ADARB2: variants seen among roughly 807,000 people sequenced by gnomAD.
ADARB2 encodes inactive double-stranded RNA-specific editase B2.
In ADARB2, 25 loss-of-function variants were observed where a neutral mutation model predicts 62.2. The observed-to-expected ratio is 0.40, with a 90% CI of 0.29 to 0.56. The LOEUF is 0.56. Among genes scored for constraint, ADARB2 ranks in the 20% least tolerant of loss-of-function variants. ADARB2 has a pLI of 0.43. For synonymous variants in ADARB2, 572 were observed against 500.8 expected, an observed-to-expected ratio of 1.14 and a Z score of -1.90; for missense variants, 1,071 against 1,077.4, an observed-to-expected ratio of 0.99 and a Z score of 0.08.
intron 1 of ADARB2, among the ~76,000 whole-genome samples, chr10:1,605,659 C>A (rs1461581461): frequency 1.3e-5 from 2 of 152,182 alleles, no homozygotes; most frequent in Non-Finnish European, 2.9e-5. Context: ...AAGTACCCAA[C>A]CTACAGCTAC....
intron 2 of ADARB2, among the ~76,000 whole-genome samples, chr10:1,364,704 G>A (rs11250465): frequency 0.13 from 20,037 of 152,092 alleles, 1,796 homozygotes; most frequent in Middle Eastern, 0.31. Flanking sequence ...GGCAGTATGC[G>A]TCATCCAGAG....
chr10:1,232,958 T>C (rs565991720), intron 6 of ADARB2, among the ~76,000 whole-genome samples: 13 of 152,122 alleles, frequency 8.5e-5, no homozygotes, highest in African/African-American at 3.1e-4. Flanking sequence ...TATACATATA[T>C]GTGTGTGACA....
chr10:1,231,551 G>A (rs77808661), intron 6 of ADARB2, among the ~76,000 whole-genome samples: 1 of 152,106 alleles, frequency 6.6e-6, no homozygotes, highest in Non-Finnish European at 1.5e-5. Flanking sequence ...TCTGGGGAGG[G>A]CTGTGTCCAC....
intron 3 of ADARB2, among the ~76,000 whole-genome samples, chr10:1,278,006 GT>G (rs1282045998): frequency 2.0e-5 from 3 of 151,302 alleles, no homozygotes; most frequent in Non-Finnish European, 4.4e-5. Context: ...GTCTAGTTCT[GT>G]CACCCAGGCT....
At chr10:1,556,853 C>A (rs954552019) in intron 1 of ADARB2, 1 of 533,100 alleles carries the variant, frequency 1.9e-6, no homozygotes, top group Non-Finnish European at 3.9e-6. Context: ...TCTGCACAAC[C>A]CCTCCTCATG....
At chr10:1,675,943 G>C in intron 1 of ADARB2, 1 of 945,224 alleles carries the variant, frequency 1.1e-6, no homozygotes, top group Non-Finnish European at 1.3e-6. Flanking sequence ...AATCTGCTCA[G>C]ACTTGGAGCC....
At chr10:1,209,358 CCGT>C (rs1837112562) in intron 7 of ADARB2, among the ~76,000 whole-genome samples, 1 of 147,982 alleles carries the variant, frequency 6.8e-6, no homozygotes, top group African/African-American at 2.6e-5. Context: ...CATGCCTACA[CCGT>C]CACCCATGCC....
chr10:1,396,736 C>T (rs1279805164), intron 1 of ADARB2, among the ~76,000 whole-genome samples: 19 of 103,664 alleles, frequency 1.8e-4, no homozygotes, highest in African/African-American at 5.6e-4. Context: ...TCACCGTCCT[C>T]CTCTCCCCTC....
At chr10:1,717,561 G>A (rs560189883) in intron 1 of ADARB2, among the ~76,000 whole-genome samples, 55 of 94,732 alleles carry the variant, frequency 5.8e-4, no homozygotes, top group Non-Finnish European at 1.1e-3. Flanking sequence ...TCCTTCCTTC[G>A]TTTTTCTTTC....
chr10:1,566,774 G>A (rs1832865962), intron 1 of ADARB2, among the ~76,000 whole-genome samples: 1 of 152,006 alleles, frequency 6.6e-6, no homozygotes, highest in African/African-American at 2.4e-5. Flanking sequence ...TACATATAAC[G>A]ATTTTAACTG....
At chr10:1,368,531 G>A (rs1832332931) in intron 2 of ADARB2, among the ~76,000 whole-genome samples, 1 of 152,144 alleles carries the variant, frequency 6.6e-6, no homozygotes, top group African/African-American at 2.4e-5. Context: ...AGGGCCTCAT[G>A]TCTGCGAGTC....
chr10:1,296,389 A>G (rs1831523354), intron 3 of ADARB2, among the ~76,000 whole-genome samples: 1 of 152,218 alleles, frequency 6.6e-6, no homozygotes, highest in African/African-American at 2.4e-5. Context: ...CACAGTAGAG[A>G]TGCTGCTTAA....
At chr10:1,259,499 C>A (rs909835260) in intron 4 of ADARB2, among the ~76,000 whole-genome samples, 1 of 152,138 alleles carries the variant, frequency 6.6e-6, no homozygotes, top group Non-Finnish European at 1.5e-5. Context: ...TACAAACTAC[C>A]ATTAGAGAAT....
rs370605098 is a variant in ADARB2, at chr10:1,216,893, G to T, written c.1682+58C>A. On this transcript the variant is annotated intron_variant, in intron 7 of 9. Transcript: ENST00000381312. ...AGAAGTGGGATGCAGGGAGCCTGGG[G>T]CTTGGCACTCCCCACCGGCCGCAGC... 7 of 1,577,316 alleles carry T rather than the reference G, an allele frequency of 4.4e-6. No individual in the cohort carries two copies. The African/African-American group carries it at 6.7e-5, about 15-fold the overall frequency.
intron 1 of ADARB2, among the ~76,000 whole-genome samples, chr10:1,524,704 C>A (rs957638140): frequency 1.3e-5 from 2 of 152,020 alleles, no homozygotes. Context: ...GGTGGCTGCC[C>A]GGGGGGAGGT....
chr10:1,520,062 C>A (rs1389706179), intron 1 of ADARB2, among the ~76,000 whole-genome samples: 1 of 152,176 alleles, frequency 6.6e-6, no homozygotes, highest in East Asian at 1.9e-4. Context: ...CTCGCATTGG[C>A]ATATTTGCTA....
chr10:1,720,029 C>T (rs962027414), intron 1 of ADARB2, among the ~76,000 whole-genome samples: 1 of 152,110 alleles, frequency 6.6e-6, no homozygotes, highest in African/African-American at 2.4e-5. Context: ...GGGGGTATAC[C>T]CACCCCCCAC....
At chr10:1,560,082 G>A (rs1182248963) in intron 1 of ADARB2, among the ~76,000 whole-genome samples, 1 of 152,128 alleles carries the variant, frequency 6.6e-6, no homozygotes, top group Non-Finnish European at 1.5e-5. Context: ...AGGCCAACTT[G>A]GATTACTTAT....
chr10:1,684,249 G>A (rs556031272), intron 1 of ADARB2, among the ~76,000 whole-genome samples: 1 of 152,290 alleles, frequency 6.6e-6, no homozygotes, highest in African/African-American at 2.4e-5. Flanking sequence ...AGAAGATGGT[G>A]GAAAAACTAA....
Sources: gnomAD v4.1 joint callset for allele counts (sites outside exome capture counted in the v4.1 genomes callset) on GRCh38, gnomAD v4.1.1 for gene constraint, MANE v1.5 for transcripts, NCBI Gene and HGNC (gene_info 2026-07-23, HGNC 2026-07-21) for gene names.